Variants in XRN1 observed in about 807,000 individuals in gnomAD.
The protein encoded by XRN1 is 5'-3' exoribonuclease 1.
XRN1 carries 67 observed loss-of-function variants against 222.3 expected under a neutral mutation model. The ratio of observed to expected loss-of-function variants is 0.30; its 90% confidence interval spans 0.25 to 0.37. XRN1 has a LOEUF of 0.37. Among genes scored for constraint, XRN1 ranks in the 10% least tolerant of loss-of-function variants. XRN1 has a pLI of 1.00. For synonymous variants in XRN1, 643 were observed against 652.4 expected (o/e 0.99, Z 0.22); for missense variants, 1,707 against 2,000.2 (o/e 0.85, Z 2.80).
chr3:142,335,987 G>A (rs1477303509), intron 33 of XRN1, among the ~76,000 whole-genome samples: 18 of 152,210 alleles, frequency 1.2e-4, no homozygotes, highest in Admixed American at 1.2e-3. Context: ...TGTGCTTTAG[G>A]ACGATTAAAA....
intron 20 of XRN1, among the ~76,000 whole-genome samples, chr3:142,391,200 A>G (rs918036179): frequency 4.6e-5 from 7 of 152,152 alleles, no homozygotes; most frequent in Admixed American, 4.6e-4. Flanking sequence ...GAGTTGCAAC[A>G]TGGTTGTCGC....
At chr3:142,401,971 T>C (rs1256100485) in intron 18 of XRN1, among the ~76,000 whole-genome samples, 1 of 152,136 alleles carries the variant, frequency 6.6e-6, no homozygotes, top group Non-Finnish European at 1.5e-5. Context: ...AACTTTGGAA[T>C]CACTCTTCCT....
At chr3:142,427,129 A>T (rs939745947) in intron 2 of XRN1, among the ~76,000 whole-genome samples, 1 of 152,150 alleles carries the variant, frequency 6.6e-6, no homozygotes, top group Admixed American at 6.6e-5. Flanking sequence ...TAGGAGTTCA[A>T]GACCAGCTTG....
At chr3:142,343,577 G>A (rs533042802) in intron 33 of XRN1, among the ~76,000 whole-genome samples, 3 of 152,268 alleles carry the variant, frequency 2.0e-5, no homozygotes, top group Non-Finnish European at 2.9e-5. Context: ...AAAAGATAGG[G>A]AGTAACAAAC....
chr3:142,330,779 T>C (rs923599172), intron 36 of XRN1, among the ~76,000 whole-genome samples: 2 of 152,094 alleles, frequency 1.3e-5, no homozygotes, highest in Non-Finnish European at 2.9e-5. Flanking sequence ...CACTGGAATA[T>C]AAATGGGGTT....
chr3:142,376,359 C>T (rs1204414307), intron 24 of XRN1, 120 bp downstream of exon 24: 1 of 854,956 alleles, frequency 1.2e-6, no homozygotes, highest in East Asian at 2.7e-5. Context: ...GAAATTTATG[C>T]ACAATTTTAA....
At chr3:142,366,197 T>C (rs1023504231) in intron 27 of XRN1, among the ~76,000 whole-genome samples, 1 of 152,194 alleles carries the variant, frequency 6.6e-6, no homozygotes, top group Non-Finnish European at 1.5e-5. Flanking sequence ...TATAAACTAC[T>C]ATTCATACTA....
intron 22 of XRN1, among the ~76,000 whole-genome samples, chr3:142,382,676 A>T (rs1203667590): frequency 6.6e-6 from 1 of 152,070 alleles, no homozygotes; most frequent in Non-Finnish European, 1.5e-5. Context: ...ATGAAATTAG[A>T]CGTCAAGATC....
intron 29 of XRN1, among the ~76,000 whole-genome samples, chr3:142,364,092 A>G (rs1458504206): frequency 6.6e-6 from 1 of 152,210 alleles, no homozygotes; most frequent in African/African-American, 2.4e-5. Flanking sequence ...CAGGAAGATT[A>G]CTTAACTTAT....
intron 5 of XRN1, 65 bp from the exon 6 acceptor site, chr3:142,423,707 G>A: frequency 1.0e-5 from 13 of 1,282,070 alleles, no homozygotes; most frequent in South Asian, 3.4e-5. Context: ...GTTCACAAAA[G>A]CAATTAAAAA....
chr3:142,349,321 G>A (rs1270115370), intron 32 of XRN1, among the ~76,000 whole-genome samples: 2 of 152,026 alleles, frequency 1.3e-5, no homozygotes, highest in Admixed American at 1.3e-4. Flanking sequence ...GGCTGGTGGG[G>A]CTTTGGACTA....
intron 1 of XRN1, among the ~76,000 whole-genome samples, chr3:142,436,823 T>A (rs919307892): frequency 3.3e-5 from 5 of 152,310 alleles, no homozygotes; most frequent in African/African-American, 9.6e-5. Flanking sequence ...TACATACGTA[T>A]CTGCATAGAA....
At chr3:142,409,331 T>A (rs2068470292) in intron 15 of XRN1, among the ~76,000 whole-genome samples, 1 of 152,220 alleles carries the variant, frequency 6.6e-6, no homozygotes, top group Admixed American at 6.5e-5. Context: ...ATGACATATT[T>A]TGAATTAAGT....
chr3:142,321,268 T>C (rs1339887519), intron 37 of XRN1, among the ~76,000 whole-genome samples: 3 of 151,968 alleles, frequency 2.0e-5, no homozygotes, highest in Non-Finnish European at 4.4e-5. Flanking sequence ...TACAGGTGCA[T>C]GCCATCATGT....
intron 37 of XRN1, among the ~76,000 whole-genome samples, chr3:142,319,871 G>C (rs1223821852): frequency 6.6e-6 from 1 of 151,280 alleles, no homozygotes; most frequent in African/African-American, 2.4e-5. Flanking sequence ...AATATTACAT[G>C]GTGTGTGTAT....
At chr3:142,376,619 C>A (rs1315232581) in intron 23 of XRN1, 25 bp from the exon 24 acceptor site, 3 of 1,505,916 alleles carry the variant, frequency 2.0e-6, no homozygotes, top group South Asian at 1.2e-5. Flanking sequence ...ACAAAAAGGT[C>A]AATTATGGAA....
rs913502017 is a variant in XRN1, at chr3:142,347,283, A to G, written c.3828T>C (p.Asn1276=). 1.9e-6 allele frequency: 3 copies of G among 1,608,462 alleles called. No homozygotes were observed. Among genetic ancestry groups the G allele is most frequent in the Non-Finnish European group, 2.5e-6 (3 of 1,177,372 alleles). ...TTTGCTGATATTTAACACTGTTGTC[A>G]TTAAAGCCAGATTTATGATGTTGAT... is the stretch of plus-strand genomic sequence containing the variant. ...QVNQHHKSGF[N]DNSVKYQQRK... is the part of the protein sequence containing the mutation. Residue 1276 remains asparagine (N), a synonymous_variant, in exon 33 of 41, where the codon AAT becomes AAC. Coordinates refer to ENST00000392981, the MANE Select transcript of XRN1 (RefSeq NM_001282857.2).
intron 15 of XRN1, among the ~76,000 whole-genome samples, chr3:142,412,017 G>A (rs1470629119): frequency 6.6e-6 from 1 of 151,658 alleles, no homozygotes; most frequent in African/African-American, 2.4e-5. Context: ...GTAGAGACGG[G>A]GTTTCACTGT....
At chr3:142,404,769 GATTATCA>G (rs2068283337) in intron 16 of XRN1, 131 bp downstream of exon 16, 1 of 757,468 alleles carries the variant, frequency 1.3e-6, no homozygotes, top group East Asian at 2.7e-5. Context: ...GTAACTCATT[GATTATCA>G]ATTGACTATA....
Sources: allele counts gnomAD v4.1 joint callset (sites outside exome capture counted in the v4.1 genomes callset), GRCh38; gene constraint gnomAD v4.1.1; transcripts MANE v1.5; gene names NCBI Gene and HGNC (gene_info 2026-07-23, HGNC 2026-07-21).